Variants in DPP6 observed in about 807,000 individuals in gnomAD.
DPP6 encodes A-type potassium channel modulatory protein DPP6.
DPP6 carries 69 observed loss-of-function variants against 122.6 expected under a neutral mutation model. The ratio of observed to expected loss-of-function variants is 0.56; its 90% CI spans 0.46 to 0.69. DPP6 has a LOEUF of 0.69. Among genes scored for constraint, DPP6 ranks in the 30% least tolerant of loss-of-function variants. The pLI, the probability that DPP6 is intolerant of heterozygous loss-of-function variation, is 0.00. For missense variants in DPP6, 928 were observed against 1,116.9 expected (o/e 0.83, Z 2.41); for synonymous variants, 418 against 433.1 (o/e 0.97, Z 0.43).
chr7:153,822,268 C>T, the DPP6 span, among the ~76,000 whole-genome samples: 5 of 149,774 alleles, frequency 3.3e-5, no homozygotes, highest in African/African-American at 5.0e-5. Flanking sequence ...CAGCTCACTG[C>T]AAGCTCCACC....
intron 1 of DPP6, among the ~76,000 whole-genome samples, chr7:154,127,778 A>C (rs917556903): frequency 1.3e-5 from 2 of 152,204 alleles, no homozygotes; most frequent in African/African-American, 4.8e-5. Context: ...GAATGAAGAC[A>C]GCTTTCCCTT....
chr7:154,146,504 G>A (rs542416933), intron 1 of DPP6, among the ~76,000 whole-genome samples: 6 of 152,124 alleles, frequency 3.9e-5, no homozygotes, highest in Non-Finnish European at 8.8e-5. Flanking sequence ...AACCCTCGCT[G>A]ATTCTTTCCC....
At position 154,466,939 on chromosome 7, in the gene DPP6, G is replaced by A. The variant is rs550782554; in HGVS notation, c.359-8000G>A. Among the ~76,000 whole-genome samples the A allele has an allele frequency of 2.0e-5, 3 of 152,292 alleles. No individual in the cohort carries two copies. The East Asian group carries it at 5.8e-4, about 29-fold the overall frequency. On this transcript the variant is annotated intron_variant, in intron 2 of 25. Transcript: ENST00000377770. ...TTTAACACTGAAATCATCTGAATGA[G>A]TTTTGAGTAGGCCTCAGGGCATACT...
At chr7:154,373,632 C>T (rs1812863977) in intron 1 of DPP6, among the ~76,000 whole-genome samples, 1 of 152,160 alleles carries the variant, frequency 6.6e-6, no homozygotes, top group South Asian at 2.1e-4. Context: ...TGTAGTAGAG[C>T]ATGCATACTA....
At chr7:153,950,422 C>T (rs943829871) in intron 1 of DPP6, among the ~76,000 whole-genome samples, 4 of 152,046 alleles carry the variant, frequency 2.6e-5, no homozygotes, top group African/African-American at 4.8e-5. Context: ...CGTTATGCGC[C>T]GGGAGTTTGT....
At chr7:153,975,376 A>G (rs182635605) in intron 1 of DPP6, among the ~76,000 whole-genome samples, 1 of 147,828 alleles carries the variant, frequency 6.8e-6, no homozygotes, top group African/African-American at 2.6e-5. Flanking sequence ...TAAGCCTACA[A>G]AGATTTTCTA....
At chr7:153,927,694 TAA>T (rs897226149) in intron 1 of DPP6, among the ~76,000 whole-genome samples, 6 of 152,214 alleles carry the variant, frequency 3.9e-5, no homozygotes, top group Admixed American at 3.9e-4. Context: ...GAAAAGGTGC[TAA>T]GAGTATAATC....
At chr7:153,868,571 T>C in the DPP6 span, among the ~76,000 whole-genome samples, 1 of 152,234 alleles carries the variant, frequency 6.6e-6, no homozygotes, top group Non-Finnish European at 1.5e-5. Context: ...GCTAGCAGTC[T>C]ATCAATTTTG....
At chr7:154,091,444 A>AC (rs1440307577) in intron 1 of DPP6, among the ~76,000 whole-genome samples, 1 of 152,146 alleles carries the variant, frequency 6.6e-6, no homozygotes, top group Non-Finnish European at 1.5e-5. Flanking sequence ...ATTTCTTGTA[A>AC]CCCTGGCAGA....
chr7:154,512,493 A>G (rs948538325), intron 3 of DPP6, among the ~76,000 whole-genome samples: 60 of 152,344 alleles, frequency 3.9e-4, no homozygotes, highest in African/African-American at 1.3e-3. Context: ...ATGGGTGAAG[A>G]AAAGAGAATG....
chr7:154,770,613 T>C (rs1026989762), intron 9 of DPP6, among the ~76,000 whole-genome samples: 4 of 152,182 alleles, frequency 2.6e-5, no homozygotes, highest in East Asian at 1.9e-4. Flanking sequence ...TCCCCAGAGC[T>C]GTGAGAGATA....
intron 3 of DPP6, among the ~76,000 whole-genome samples, chr7:154,482,380 A>AATGAC (rs1368420515): frequency 1.3e-5 from 2 of 152,220 alleles, no homozygotes; most frequent in African/African-American, 4.8e-5. Context: ...TTAGAATAAC[A>AATGAC]ATGACATGGT....
chr7:153,948,251 C>A (rs1563038003), intron 1 of DPP6, among the ~76,000 whole-genome samples: 5 of 152,140 alleles, frequency 3.3e-5, no homozygotes, highest in Admixed American at 2.0e-4. Context: ...CTGTCACCAG[C>A]AGGTGGCATT....
intron 1 of DPP6, among the ~76,000 whole-genome samples, chr7:153,958,647 C>T (rs549315604): frequency 1.2e-4 from 18 of 152,144 alleles, no homozygotes; most frequent in African/African-American, 4.8e-5. Context: ...TCATCGGAGG[C>T]GGGGTTGCAT....
chr7:154,150,055 C>T (rs991974706), intron 1 of DPP6, among the ~76,000 whole-genome samples: 8 of 152,212 alleles, frequency 5.3e-5, no homozygotes, highest in African/African-American at 1.9e-4. Context: ...CTTGAATCTA[C>T]AGCAAACTGT....
At chr7:154,053,140 A>T (rs1437003738) in intron 1 of DPP6, 77 bp downstream of exon 1, 1 of 881,250 alleles carries the variant, frequency 1.1e-6, no homozygotes, top group Non-Finnish European at 1.4e-6. Context: ...CGGCAGGGGA[A>T]ATTTTTTTTG....
At chr7:153,956,104 G>C (rs1271542740) in intron 1 of DPP6, among the ~76,000 whole-genome samples, 1 of 152,210 alleles carries the variant, frequency 6.6e-6, no homozygotes, top group Non-Finnish European at 1.5e-5. Context: ...TCCTGTGACC[G>C]AGCCAAGGGT....
the DPP6 span, among the ~76,000 whole-genome samples, chr7:153,799,436 T>G: frequency 2.0e-5 from 3 of 152,142 alleles, no homozygotes; most frequent in Non-Finnish European, 4.4e-5. Context: ...ATTTATTGAG[T>G]GTTTGTTGTG....
At chr7:154,694,364 C>T (rs1482155066) in intron 7 of DPP6, among the ~76,000 whole-genome samples, 1 of 152,146 alleles carries the variant, frequency 6.6e-6, no homozygotes, top group African/African-American at 2.4e-5. Flanking sequence ...GTAATCCCAG[C>T]ACTTTGGGAG....
Sources: allele counts gnomAD v4.1 joint callset (sites outside exome capture counted in the v4.1 genomes callset), GRCh38; gene constraint gnomAD v4.1.1; transcripts MANE v1.5; gene names NCBI Gene and HGNC (gene_info 2026-07-23, HGNC 2026-07-21).